CNTNAP5: variants seen among roughly 807,000 people sequenced by gnomAD.
CNTNAP5 encodes the protein contactin-associated protein-like 5.
Under a neutral mutation model 150.2 loss-of-function variants are expected in CNTNAP5, and 72 were observed. The observed-to-expected ratio is 0.48, with a 90% confidence interval of 0.40 to 0.58. The LOEUF (loss-of-function observed/expected upper bound fraction) is 0.58, where lower values mean the gene tolerates loss of function less well. Among genes scored for constraint, CNTNAP5 ranks in the 20% least tolerant of loss-of-function variants. The pLI, the probability that CNTNAP5 is intolerant of heterozygous loss-of-function variation, is 0.00. For synonymous variants in CNTNAP5, 672 were observed against 619.8 expected (o/e 1.08, Z -1.25); for missense variants, 1,636 against 1,626.2 (o/e 1.01, Z -0.10).
intron 13 of CNTNAP5, among the ~76,000 whole-genome samples, chr2:124,655,131 C>T (rs1408988524): frequency 1.3e-5 from 2 of 152,068 alleles, no homozygotes; most frequent in Non-Finnish European, 2.9e-5. Context: ...TGTCCTAATG[C>T]TCTCTGTCCC....
At chr2:124,768,559 T>G (rs1472275812) in intron 16 of CNTNAP5, among the ~76,000 whole-genome samples, 2 of 152,160 alleles carry the variant, frequency 1.3e-5, no homozygotes, top group African/African-American at 4.8e-5. Context: ...TGATTTCATT[T>G]TCTTTCCAAG....
intron 10 of CNTNAP5, among the ~76,000 whole-genome samples, chr2:124,558,016 G>T (rs1050236895): frequency 7.2e-5 from 11 of 152,132 alleles, no homozygotes; most frequent in Admixed American, 7.2e-4. Context: ...TCATTTTAAG[G>T]ATGTTGCTTT....
chr2:124,738,875 C>T (rs1229755676), intron 13 of CNTNAP5, among the ~76,000 whole-genome samples: 6 of 152,188 alleles, frequency 3.9e-5, no homozygotes, highest in Non-Finnish European at 8.8e-5. Context: ...TCGTGTTACT[C>T]TGTCATTTAA....
chr2:124,424,913 C>T (rs1037234794), intron 4 of CNTNAP5, among the ~76,000 whole-genome samples: 4 of 152,210 alleles, frequency 2.6e-5, no homozygotes, highest in African/African-American at 4.8e-5. Context: ...AACACTGTTT[C>T]CTGATGAATT....
At chr2:124,203,435 G>T (rs1685777618) in intron 1 of CNTNAP5, among the ~76,000 whole-genome samples, 1 of 152,180 alleles carries the variant, frequency 6.6e-6, no homozygotes. Context: ...TCTGGAGGAA[G>T]GTAGCCCTTT....
intron 6 of CNTNAP5, among the ~76,000 whole-genome samples, chr2:124,448,696 G>C (rs1692889962): frequency 6.6e-6 from 1 of 152,058 alleles, no homozygotes; most frequent in Admixed American, 6.6e-5. Flanking sequence ...ATTTTTAAAG[G>C]GTTGTAAAGG....
At chr2:124,515,288 G>A (rs1051999115) in intron 8 of CNTNAP5, among the ~76,000 whole-genome samples, 17 of 152,118 alleles carry the variant, frequency 1.1e-4, no homozygotes, top group Non-Finnish European at 2.2e-4. Context: ...GGGGCAGAGC[G>A]GGGGGTGTCC....
At chr2:124,739,205 A>T (rs1265895276) in intron 13 of CNTNAP5, among the ~76,000 whole-genome samples, 1 of 152,164 alleles carries the variant, frequency 6.6e-6, no homozygotes, top group African/African-American at 2.4e-5. Flanking sequence ...ATTGAACAAC[A>T]TTATAAAAAT....
chr2:124,434,777 T>C, intron 5 of CNTNAP5, 90 bp downstream of exon 5: 1 of 1,102,354 alleles, frequency 9.1e-7, no homozygotes, highest in Non-Finnish European at 1.3e-6. Flanking sequence ...GTGTATCTGG[T>C]GGAAGTCACT....
In CNTNAP5 at chr2:124,650,139, C is replaced by T. The variant is rs13399885; in HGVS notation, c.2077+2181C>T. ...TTTGTGCATGAGGGTCTTCATTAAT[C>T]GTCTTTCCCCATGTGCTCTGAATCA... On this transcript the variant is annotated intron_variant, in intron 13 of 23. Coordinates refer to ENST00000682447, the MANE Select transcript of CNTNAP5 (RefSeq NM_001367498.1). Among the ~76,000 whole-genome samples, 249 of 152,252 alleles carry T rather than the reference C, an allele frequency of 1.6e-3. 1 individual carries two copies. The highest frequency in any genetic ancestry group is 5.8e-3 in the African/African-American group (243 of 41,552).
At chr2:124,350,507 C>T (rs939663405) in intron 3 of CNTNAP5, among the ~76,000 whole-genome samples, 6 of 150,274 alleles carry the variant, frequency 4.0e-5, no homozygotes, top group African/African-American at 9.8e-5. Flanking sequence ...CCTTCACATT[C>T]GTACTATTAA....
chr2:124,386,119 C>T (rs2565765), intron 3 of CNTNAP5, among the ~76,000 whole-genome samples: 60,437 of 151,918 alleles, frequency 0.4, 12,948 homozygotes, highest in East Asian at 0.78. Flanking sequence ...TGGGGGGTAC[C>T]TCACTGTCCT....
chr2:124,759,938 C>CTTTTT (rs571408475), intron 14 of CNTNAP5, among the ~76,000 whole-genome samples: 2 of 83,648 alleles, frequency 2.4e-5, no homozygotes, highest in Non-Finnish European at 4.4e-5. Context: ...ACTCCTCGGT[C>CTTTTT]TTTTTTTTTT....
At chr2:124,091,525 T>A (rs1272390471) in intron 1 of CNTNAP5, among the ~76,000 whole-genome samples, 1 of 152,164 alleles carries the variant, frequency 6.6e-6, no homozygotes, top group African/African-American at 2.4e-5. Context: ...GTCATGAATA[T>A]GGGGTTGCCA....
intron 3 of CNTNAP5, among the ~76,000 whole-genome samples, chr2:124,394,743 A>G (rs1385342268): frequency 6.6e-6 from 1 of 152,186 alleles, no homozygotes; most frequent in Non-Finnish European, 1.5e-5. Flanking sequence ...TAGCTTGCCC[A>G]AGTCTCATTG....
intron 7 of CNTNAP5, among the ~76,000 whole-genome samples, chr2:124,490,306 C>G (rs1183445779): frequency 2.1e-5 from 3 of 143,554 alleles, no homozygotes; most frequent in Non-Finnish European, 4.5e-5. Flanking sequence ...TGCACTCTAG[C>G]CTGGACAACA....
chr2:124,277,856 A>G (rs763501332), intron 3 of CNTNAP5, among the ~76,000 whole-genome samples: 6 of 152,176 alleles, frequency 3.9e-5, no homozygotes, highest in Admixed American at 6.6e-5. Flanking sequence ...GTCAGGGTCC[A>G]TGCATTAGCA....
chr2:124,771,836 C>T (rs992341738), intron 16 of CNTNAP5, among the ~76,000 whole-genome samples: 1 of 151,004 alleles, frequency 6.6e-6, no homozygotes, highest in Non-Finnish European at 1.5e-5. Context: ...GCCACCACCA[C>T]TATCAACACC....
At chr2:124,229,469 A>G (rs1355491893) in intron 2 of CNTNAP5, among the ~76,000 whole-genome samples, 2 of 152,192 alleles carry the variant, frequency 1.3e-5, no homozygotes, top group East Asian at 3.9e-4. Flanking sequence ...CAAACACTTC[A>G]GCCTTCATCT....
Sources: gnomAD v4.1 joint callset for allele counts (sites outside exome capture counted in the v4.1 genomes callset) on GRCh38, gnomAD v4.1.1 for gene constraint, MANE v1.5 for transcripts, NCBI Gene and HGNC (gene_info 2026-07-23, HGNC 2026-07-21) for gene names.